PLAGL1: variants seen among roughly 807,000 people sequenced by gnomAD.
PLAGL1 encodes zinc finger protein PLAGL1.
PLAGL1 carries 1 observed loss-of-function variant against 4.6 expected under a neutral mutation model. The ratio of observed to expected loss-of-function variants is 0.22; its 90% confidence interval spans 0.08 to 1.03. PLAGL1 has a LOEUF of 1.03. Ranked by LOEUF, PLAGL1 falls within the 50% of genes least tolerant of loss-of-function variation. The pLI is 0.58. For missense variants in PLAGL1, 464 were observed against 570.4 expected, an observed-to-expected ratio of 0.81 and a Z score of 1.90; for synonymous variants, 240 against 237.8, an observed-to-expected ratio of 1.01 and a Z score of -0.08.
At position 143,949,269 on chromosome 6, in the gene PLAGL1, C is replaced by T. The variant is rs1276293764; in HGVS notation, c.-324-809G>A. On this transcript the variant is annotated intron_variant, in intron 6 of 7. Coordinates refer to ENST00000674357, the MANE Select transcript of PLAGL1 (RefSeq NM_001317162.2). This position sits in a 1 kb window ranked among gnomAD's most constrained non-coding sequence, Gnocchi z 5.3. ...CTCCTCAAACCCAACTTGTCTCAAACCCAAATCATTATCATCCTTCTGACT... is the reference window on the plus strand; with the variant it reads ...CTCCTCAAACCCAACTTGTCTCAAATCCAAATCATTATCATCCTTCTGACT... 2.6e-5 allele frequency among the ~76,000 whole-genome samples: 4 copies of T among 152,184 alleles called. No individual in the cohort carries two copies. The highest frequency in any genetic ancestry group is 9.7e-5 in the African/African-American group (4 of 41,438).
chr6:144,003,387 G>A (rs1793370281), intron 1 of PLAGL1, among the ~76,000 whole-genome samples: 1 of 152,142 alleles, frequency 6.6e-6, no homozygotes, highest in African/African-American at 2.4e-5. Flanking sequence ...CACTTTGGGA[G>A]GCCAAGGCGG....
chr6:143,981,358 C>T (rs986775875), intron 2 of PLAGL1, among the ~76,000 whole-genome samples: 11 of 152,114 alleles, frequency 7.2e-5, no homozygotes, highest in African/African-American at 2.4e-4. Flanking sequence ...TGCATATGCA[C>T]TAATCAGCAC....
rs1039817668 is a variant in PLAGL1, at chr6:144,050,486, T to G, written c.-151+13982A>C. 1.3e-5 allele frequency among the ~76,000 whole-genome samples: 2 copies of G among 152,216 alleles called. No individual in the cohort carries two copies. The highest frequency in any genetic ancestry group is 2.9e-5 in the Non-Finnish European group (2 of 68,034). On this transcript the variant is annotated intron_variant, in intron 1 of 3. Coordinates refer to the PLAGL1 transcript ENST00000437412. This position sits in a 1 kb window ranked among gnomAD's most constrained non-coding sequence, Gnocchi z 4.3. ...GGAGAGAAAGATTCTTCTACACTCT[T>G]TTAAGGCTGTCTCTTCTCTATGTTT... is the stretch of plus-strand genomic sequence containing the variant.
intron 1 of PLAGL1, among the ~76,000 whole-genome samples, chr6:144,047,521 T>A (rs1798253848): frequency 6.6e-6 from 1 of 152,076 alleles, no homozygotes; most frequent in Non-Finnish European, 1.5e-5. Context: ...AAACTTACAA[T>A]CATGGCAGAA....
At chr6:144,054,776 AGTGTGT>A (rs55975441) in intron 1 of PLAGL1, among the ~76,000 whole-genome samples, 14,327 of 142,150 alleles carry the variant, frequency 0.1, 724 homozygotes, top group East Asian at 0.26. Flanking sequence ...ACTAAAAAAG[AGTGTGT>A]GTGTGTGTGT....
At chr6:144,044,784 C>T (rs1798002656) in intron 1 of PLAGL1, among the ~76,000 whole-genome samples, 1 of 152,130 alleles carries the variant, frequency 6.6e-6, no homozygotes. Flanking sequence ...TAATGTCTCC[C>T]ATCATTATTG....
Position 143,957,156 on chromosome 6 carries a change from A to G in PLAGL1, c.-325+3313T>C, listed in dbSNP as rs536316419. ...GTATTTTTAAATAGAAACAGTCACA[A>G]AAAAATAGACAAATGTCTACAAGTA... On this transcript the variant is annotated intron_variant, in intron 6 of 7. Transcript: ENST00000674357. The surrounding 1 kb of genome is among the most constrained non-coding windows in gnomAD (Gnocchi z 4.2). 7.2e-5 allele frequency among the ~76,000 whole-genome samples: 11 copies of G among 152,368 alleles called. No homozygotes were observed. Among genetic ancestry groups the G allele is most frequent in the Admixed American group, 2.0e-4 (3 of 15,312 alleles).
In PLAGL1 at chr6:143,955,747, A is replaced by G. The variant is rs963361735; in HGVS notation, c.-325+4722T>C. 2.6e-5 allele frequency among the ~76,000 whole-genome samples: 4 copies of G among 152,160 alleles called. No homozygotes were observed. The highest frequency in any genetic ancestry group is 9.7e-5 in the African/African-American group (4 of 41,434). ...TTGATGGTAACTCTGGCAGGGACGT[A>G]TAAGACATGCTGGAGGGTGGTGGGC... On this transcript the variant is annotated intron_variant, in intron 6 of 7. Coordinates refer to ENST00000674357, the MANE Select transcript of PLAGL1 (RefSeq NM_001317162.2). This position sits in a 1 kb window ranked among gnomAD's most constrained non-coding sequence, Gnocchi z 4.9.
intron 1 of PLAGL1, among the ~76,000 whole-genome samples, chr6:144,032,234 C>T (rs761788449): frequency 6.6e-6 from 1 of 151,460 alleles, no homozygotes; most frequent in Non-Finnish European, 1.5e-5. Context: ...GATCCTCCTG[C>T]CCCAGCCTCC....
rs62427103 is a variant in PLAGL1 at position 143,971,006 on chromosome 6, C to G, written c.-543-2028G>C. On this transcript the variant is annotated intron_variant, in intron 2 of 7. Transcript: ENST00000674357. This position sits in a 1 kb window ranked among gnomAD's most constrained non-coding sequence, Gnocchi z 4.7. ...ATTTCCCTCCACTCTCTGCCTCTCC[C>G]TACTTTGGTATTATGTCACACAAAA... 0.054 allele frequency among the ~76,000 whole-genome samples: 8,247 copies of G among 152,214 alleles called. 324 individuals carry two copies. The highest frequency in any genetic ancestry group is 0.09 in the Non-Finnish European group (6,130 of 67,998).
intron 1 of PLAGL1, among the ~76,000 whole-genome samples, chr6:143,988,652 G>A (rs1789734634): frequency 6.6e-6 from 1 of 152,180 alleles, no homozygotes; most frequent in Admixed American, 6.5e-5. Context: ...TAGACTGGAT[G>A]GCTGACACAT....
chr6:144,020,274 C>CTTGTTTGT lies in PLAGL1; in HGVS notation c.-151+44186_-151+44193dup, dbSNP rs111353071. On this transcript the variant is annotated intron_variant, in intron 1 of 3. Coordinates refer to the PLAGL1 transcript ENST00000437412. ...TAGCCACCTACTCTATGGACACTTC[C>CTTGTTTGT]TTGTTTGTTTGTTTGTTTGTTTGTT... Among the ~76,000 whole-genome samples, 1,420 of 151,686 alleles carry CTTGTTTGT rather than the reference C, an allele frequency of 9.4e-3. 27 individuals carry two copies. Among genetic ancestry groups the CTTGTTTGT allele is most frequent in the African/African-American group, 0.032 (1,322 of 41,276 alleles).
Position 144,053,133 on chromosome 6 carries a change from C to A in PLAGL1, c.-151+11335G>T, listed in dbSNP as rs1798700432. Among the ~76,000 whole-genome samples, 1 of 152,120 alleles carries A rather than the reference C, an allele frequency of 6.6e-6. No homozygotes were observed. The highest frequency in any genetic ancestry group is 2.4e-5 in the African/African-American group (1 of 41,410). ...AGCTACAACCACACATTGCCAAAAT[C>A]AATCAATCAATCATTTTTTTTGAAA... is the stretch of plus-strand genomic sequence containing the variant. On this transcript the variant is annotated intron_variant, in intron 1 of 3. Coordinates refer to the PLAGL1 transcript ENST00000437412. This position sits in a 1 kb window ranked among gnomAD's most constrained non-coding sequence, Gnocchi z 4.0.
intron 1 of PLAGL1, among the ~76,000 whole-genome samples, chr6:144,051,797 G>T (rs1475330201): frequency 6.6e-6 from 1 of 152,098 alleles, no homozygotes; most frequent in African/African-American, 2.4e-5. Flanking sequence ...AAAACCATCA[G>T]ATCTCATGAG....
At position 143,962,192 on chromosome 6, in the gene PLAGL1, A is replaced by C. The variant is rs779673923; in HGVS notation, c.-398-1650T>G. 1.3e-5 allele frequency among the ~76,000 whole-genome samples: 2 copies of C among 152,224 alleles called. No homozygotes were observed. Among genetic ancestry groups the C allele is most frequent in the African/African-American group, 4.8e-5 (2 of 41,444 alleles). ...CAAGGCAGGCCTGGTCTGGGGGGAA[A>C]ATCATGTGCAGTATATGACGATTTA... On this transcript the variant is annotated intron_variant, in intron 5 of 7. Transcript: ENST00000674357. The surrounding 1 kb of genome is among the most constrained non-coding windows in gnomAD (Gnocchi z 5.3).
intron 1 of PLAGL1, among the ~76,000 whole-genome samples, chr6:144,019,327 C>T (rs1266643536): frequency 6.6e-6 from 1 of 152,048 alleles, no homozygotes; most frequent in African/African-American, 2.4e-5. Context: ...CAAAAATTGG[C>T]CAGGCATGGT....
rs1338457501 is a variant in PLAGL1 at position 144,016,551 on chromosome 6, GA to G, written c.-150-47574del. 1.3e-5 allele frequency among the ~76,000 whole-genome samples: 2 copies of G among 152,160 alleles called. No individual in the cohort carries two copies. Among genetic ancestry groups the G allele is most frequent in the Non-Finnish European group, 2.9e-5 (2 of 68,020 alleles). The stretch of plus-strand genomic sequence containing the variant: ...AAACGACACATGGTCCCATTCATAG[GA>G]AATTTTAGAAACACAAAATTATAGT... On this transcript the variant is annotated intron_variant, in intron 1 of 3. Transcript: ENST00000437412. This position sits in a 1 kb window ranked among gnomAD's most constrained non-coding sequence, Gnocchi z 4.2.
In PLAGL1 at chr6:143,940,999, A is replaced by G. The variant is rs1226490589; in HGVS notation, c.*425T>C. 1.3e-5 allele frequency: 2 copies of G among 154,436 alleles called. No homozygotes were observed. Among genetic ancestry groups the G allele is most frequent in the Admixed American group, 1.3e-4 (2 of 15,378 alleles). 9.6% of individuals were successfully genotyped at this position (154,436 alleles called of 1,614,324 possible). ...ACACAGCCTAGTCATAGTATATCATATAAAGGTTATTTTCTTATTTTGAAA... is the reference window on the plus strand; with the variant it reads ...ACACAGCCTAGTCATAGTATATCATGTAAAGGTTATTTTCTTATTTTGAAA... On this transcript the variant is annotated 3_prime_UTR_variant, in exon 8 of 8. Coordinates refer to ENST00000674357, the MANE Select transcript of PLAGL1 (RefSeq NM_001317162.2).
chr6:144,052,186 C>T (rs1426659407), intron 1 of PLAGL1, among the ~76,000 whole-genome samples: 5 of 152,052 alleles, frequency 3.3e-5, no homozygotes, highest in African/African-American at 1.2e-4. Flanking sequence ...GGTAAGTGAT[C>T]CTGACAGATA....
Sources: gnomAD v4.1 joint callset for allele counts (sites outside exome capture counted in the v4.1 genomes callset) on GRCh38, gnomAD v4.1.1 for gene constraint, Gnocchi (gnomAD v3.1) non-coding constraint, MANE v1.5 for transcripts, NCBI Gene and HGNC (gene_info 2026-07-23, HGNC 2026-07-21) for gene names.